The following SORCS3 variants were observed in gnomAD, a reference collection of about 807,000 sequenced individuals.
SORCS3 encodes sortilin related VPS10 domain containing receptor 3, also known as VPS10 domain-containing receptor SorCS3.
SORCS3 carries 57 observed loss-of-function variants against 146.3 expected under a neutral mutation model. The ratio of observed to expected loss-of-function variants is 0.39; its 90% CI spans 0.31 to 0.49. SORCS3 has a LOEUF of 0.49. Ranked by LOEUF, SORCS3 falls within the 20% of genes least tolerant of loss-of-function variation. The pLI, the probability that SORCS3 is intolerant of heterozygous loss-of-function variation, is 0.92. For missense variants in SORCS3, 1,341 were observed against 1,575.5 expected (o/e 0.85, Z 2.52); for synonymous variants, 653 against 618.5 (o/e 1.06, Z -0.83).
intron 17 of SORCS3, 94 bp downstream of exon 17, chr10:105,211,344 T>C (rs932790768): frequency 6.0e-6 from 5 of 836,492 alleles, no homozygotes; most frequent in Non-Finnish European, 1.0e-5. Context: ...TACAATGGAG[T>C]GAAGATGGAG....
chr10:105,130,475 A>G (rs559114533), intron 7 of SORCS3, among the ~76,000 whole-genome samples: 2 of 152,194 alleles, frequency 1.3e-5, no homozygotes, highest in East Asian at 3.9e-4. Flanking sequence ...GAAGGGTACA[A>G]GAAGTTGCTC....
At chr10:104,671,681 A>C (rs2015856308) in intron 1 of SORCS3, among the ~76,000 whole-genome samples, 2 of 151,788 alleles carry the variant, frequency 1.3e-5, no homozygotes, top group East Asian at 1.9e-4. Context: ...TGTTTTTATC[A>C]TGAAAGGGTT....
intron 3 of SORCS3, among the ~76,000 whole-genome samples, chr10:104,950,544 A>G (rs966979209): frequency 2.0e-5 from 3 of 152,330 alleles, no homozygotes; most frequent in Non-Finnish European, 4.4e-5. Context: ...TATGATTGCG[A>G]TTATAATTTT....
At chr10:105,178,475 G>T (rs1424189580) in intron 14 of SORCS3, among the ~76,000 whole-genome samples, 3 of 152,072 alleles carry the variant, frequency 2.0e-5, no homozygotes, top group Non-Finnish European at 4.4e-5. Context: ...TCGTTAGATG[G>T]TTTTTTTCTC....
chr10:104,986,565 A>C (rs999044951), intron 4 of SORCS3, among the ~76,000 whole-genome samples: 2 of 152,210 alleles, frequency 1.3e-5, no homozygotes, highest in African/African-American at 4.8e-5. Context: ...CTGGCTTTCA[A>C]CGTGCCTTCC....
At chr10:104,834,184 C>G (rs995397403) in intron 1 of SORCS3, among the ~76,000 whole-genome samples, 3 of 152,164 alleles carry the variant, frequency 2.0e-5, no homozygotes, top group Non-Finnish European at 4.4e-5. Flanking sequence ...CACTCTCGTC[C>G]CCTCACTGCC....
rs1251473655 is a variant in SORCS3 at position 104,969,070 on chromosome 10, G to T, written c.796-8265G>T. Among the ~76,000 whole-genome samples the T allele has an allele frequency of 2.0e-5, 3 of 152,150 alleles. No individual in the cohort carries two copies. In the East Asian group the frequency reaches 5.8e-4, roughly 29 times the overall value. On this transcript the variant is annotated intron_variant, in intron 3 of 26. Transcript: ENST00000369701. ...ATGATTTTCTTTATAGATTTGGTAC[G>T]TGAATATACAATACACGTATTTTAC...
At chr10:105,035,471 T>A (rs1256431767) in intron 4 of SORCS3, among the ~76,000 whole-genome samples, 19 of 151,796 alleles carry the variant, frequency 1.3e-4, no homozygotes, top group Non-Finnish European at 7.4e-5. Context: ...CAAGTTTTTT[T>A]TTTTTTTTCT....
intron 5 of SORCS3, 74 bp from the exon 6 acceptor site, chr10:105,089,701 C>A: frequency 1.7e-6 from 2 of 1,175,386 alleles, no homozygotes; most frequent in Non-Finnish European, 2.5e-6. Flanking sequence ...TAGCAGTTGG[C>A]CCTGAGTGCA....
At chr10:104,862,986 A>G (rs2018421096) in intron 2 of SORCS3, among the ~76,000 whole-genome samples, 3 of 152,220 alleles carry the variant, frequency 2.0e-5, no homozygotes, top group Non-Finnish European at 4.4e-5. Flanking sequence ...TGTGACATTC[A>G]TTTGGGGAAA....
chr10:104,668,867 T>C (rs1427847787), intron 1 of SORCS3, among the ~76,000 whole-genome samples: 4 of 152,222 alleles, frequency 2.6e-5, no homozygotes, highest in Admixed American at 1.3e-4. Context: ...TTATCAGATA[T>C]TAGAGATATT....
intron 3 of SORCS3, among the ~76,000 whole-genome samples, chr10:104,968,393 G>A (rs1311233175): frequency 6.6e-6 from 1 of 152,220 alleles, no homozygotes; most frequent in Non-Finnish European, 1.5e-5. Context: ...TGGGGTTACA[G>A]GCATGAGCCA....
intron 3 of SORCS3, among the ~76,000 whole-genome samples, chr10:104,923,704 C>A (rs1359579570): frequency 1.3e-5 from 2 of 152,152 alleles, no homozygotes; most frequent in Non-Finnish European, 2.9e-5. Flanking sequence ...ACACTCCCTC[C>A]TTCATGGCCA....
chr10:105,134,741 C>T (rs1356333960), intron 7 of SORCS3, among the ~76,000 whole-genome samples: 3 of 152,116 alleles, frequency 2.0e-5, no homozygotes, highest in African/African-American at 7.2e-5. Context: ...CGGCCCATAG[C>T]ATTCCATCCA....
intron 2 of SORCS3, among the ~76,000 whole-genome samples, chr10:104,850,869 C>T (rs2018267450): frequency 6.6e-6 from 1 of 152,226 alleles, no homozygotes; most frequent in Admixed American, 6.5e-5. Context: ...AACAGCACTG[C>T]TTCTGAGCAC....
At chr10:104,994,402 T>C (rs2055011312) in intron 4 of SORCS3, among the ~76,000 whole-genome samples, 1 of 152,150 alleles carries the variant, frequency 6.6e-6, no homozygotes, top group Admixed American at 6.5e-5. Context: ...AAAACTAGGG[T>C]CACTCTGTGA....
Position 104,733,520 on chromosome 10 carries a change from ATTTTTTT to A in SORCS3, c.627+91580_627+91586del, listed in dbSNP as rs34203788. 9.8e-3 allele frequency among the ~76,000 whole-genome samples: 1,210 copies of A among 123,364 alleles called. 16 individuals are homozygous for A. The highest frequency in any genetic ancestry group is 0.013 in the Non-Finnish European group (771 of 58,744). 80.9% of individuals were successfully genotyped at this position (123,364 alleles called of 152,430 possible). A position where few individuals can be genotyped will look rare whatever the true frequency, so the allele number is the denominator to read the frequency against. ...GCGCACCACCATGCCCTGATGATTA[ATTTTTTT>A]TTTTTTTTTTTTTGTAGAAATAAGG... On this transcript the variant is annotated intron_variant, in intron 1 of 26. Coordinates refer to ENST00000369701, the MANE Select transcript of SORCS3 (RefSeq NM_014978.3).
chr10:104,974,746 A>T (rs9665057), intron 3 of SORCS3, among the ~76,000 whole-genome samples: 30,742 of 152,100 alleles, frequency 0.2, 3,996 homozygotes, highest in African/African-American at 0.36. Flanking sequence ...TTATGATGTT[A>T]GCTGGCTATT....
chr10:105,081,496 G>A (rs960020877), intron 5 of SORCS3, among the ~76,000 whole-genome samples: 22 of 152,180 alleles, frequency 1.4e-4, no homozygotes, highest in Middle Eastern at 3.2e-3. Flanking sequence ...AGGTTGTAGC[G>A]TCCAGCTCTC....
Sources: gnomAD v4.1 joint callset for allele counts (sites outside exome capture counted in the v4.1 genomes callset) on GRCh38, gnomAD v4.1.1 for gene constraint, MANE v1.5 for transcripts, NCBI Gene and HGNC (gene_info 2026-07-23, HGNC 2026-07-21) for gene names.